The following RERE variants were observed in gnomAD, a reference collection of about 807,000 sequenced individuals.
RERE encodes arginine-glutamic acid dipeptide repeats protein.
In RERE, 40 loss-of-function variants were observed where a neutral mutation model predicts 146.1. The observed-to-expected ratio is 0.27, with a 90% CI of 0.21 to 0.36. The LOEUF (loss-of-function observed/expected upper bound fraction) is 0.36, where lower values mean the gene tolerates loss of function less well. Ranked by LOEUF, RERE falls within the 10% of genes least tolerant of loss-of-function variation. RERE has a pLI of 1.00. For synonymous variants in RERE, 1,003 were observed against 866.0 expected (o/e 1.16, Z -2.78); for missense variants, 1,933 against 2,138.7 (o/e 0.90, Z 1.90).
chr1:8,774,951 C>CTTTTTTTTTTTTTTTTTT (rs869173167), intron 1 of RERE, among the ~76,000 whole-genome samples: 3 of 47,972 alleles, frequency 6.3e-5, no homozygotes, highest in Non-Finnish European at 8.2e-5. Flanking sequence ...TTCTTTCTTT[C>CTTTTTTTTTTTTTTTTTT]TTTTTTTTTT....
chr1:8,377,255 A>C (rs1404279820), intron 12 of RERE, among the ~76,000 whole-genome samples: 3 of 152,190 alleles, frequency 2.0e-5, no homozygotes, highest in Non-Finnish European at 4.4e-5. Context: ...CTTACATGGA[A>C]CCCACACACA....
At chr1:8,439,623 G>A (rs1054911874) in intron 11 of RERE, among the ~76,000 whole-genome samples, 2 of 152,248 alleles carry the variant, frequency 1.3e-5, no homozygotes, top group African/African-American at 2.4e-5. Flanking sequence ...GAAAGGAGGA[G>A]CAAGAAAGGT....
intron 2 of RERE, among the ~76,000 whole-genome samples, chr1:8,627,292 A>G (rs1174197138): frequency 1.3e-5 from 2 of 152,104 alleles, no homozygotes; most frequent in Non-Finnish European, 2.9e-5. Context: ...ACTCAATTCT[A>G]CCTTCCCCGT....
At chr1:8,422,016 C>T (rs868137109) in intron 12 of RERE, among the ~76,000 whole-genome samples, 1 of 152,176 alleles carries the variant, frequency 6.6e-6, no homozygotes, top group South Asian at 2.1e-4. Flanking sequence ...GGGAGGCAAC[C>T]ACAGGGAAAT....
chr1:8,513,715 GGTT>G (rs1285666291), intron 7 of RERE, among the ~76,000 whole-genome samples: 1 of 152,228 alleles, frequency 6.6e-6, no homozygotes, highest in East Asian at 1.9e-4. Context: ...GGGAGGCAGA[GGTT>G]GCAGTGAGCC....
chr1:8,362,685 T>G lies in RERE; in HGVS notation c.1900A>C (p.Lys634Gln). The G allele has an allele frequency of 6.2e-7, 1 of 1,614,224 alleles. No homozygotes were observed. Among genetic ancestry groups the G allele is most frequent in the Non-Finnish European group, 8.5e-7 (1 of 1,180,030 alleles). ...CTACTATCCCCCCAGCACCTGACCT[T>G]GGCCGACTTCTTCACTGTCTCTGCT... ...SKAETVKKSA[K>Q]KVKEEASSPL... The change falls in exon 16 of 23, where the codon AAG becomes CAG. Residue 634 changes from lysine to glutamine, a missense_variant and splice_region_variant. Lys to Gln is a moderately conservative substitution (Grantham distance 53). This residue lies in a region of RERE where 1,255 missense variants were observed against 1,153.8 expected (regional missense o/e 1.09). Coordinates refer to ENST00000400908, the MANE Select transcript of RERE (RefSeq NM_001042681.2).
intron 8 of RERE, among the ~76,000 whole-genome samples, chr1:8,507,737 C>CTTATTTTTTTT (rs1645274660): frequency 1.2e-5 from 1 of 85,958 alleles, no homozygotes; most frequent in Non-Finnish European, 2.0e-5. Context: ...CATCTTTTAT[C>CTTATTTTTTTT]TTTTTTTTTT....
intron 1 of RERE, among the ~76,000 whole-genome samples, chr1:8,775,994 G>T (rs1207997713): frequency 6.6e-6 from 1 of 152,128 alleles, no homozygotes; most frequent in East Asian, 1.9e-4. Context: ...ATGCCACACT[G>T]CCTCTCAAAC....
At chr1:8,642,161 G>C (rs1182478826) in intron 2 of RERE, among the ~76,000 whole-genome samples, 1 of 152,184 alleles carries the variant, frequency 6.6e-6, no homozygotes, top group Admixed American at 6.5e-5. Flanking sequence ...ATCTAAAACA[G>C]TAACACTTAA....
At chr1:8,791,899 A>G (rs1569807174) in intron 1 of RERE, among the ~76,000 whole-genome samples, 1 of 152,228 alleles carries the variant, frequency 6.6e-6, no homozygotes, top group Non-Finnish European at 1.5e-5. Context: ...ATCATCTCCC[A>G]GAATTTATCA....
At chr1:8,655,794 G>C (rs925384787) in intron 2 of RERE, among the ~76,000 whole-genome samples, 179 bp downstream of exon 2, 2 of 152,144 alleles carry the variant, frequency 1.3e-5, no homozygotes, top group African/African-American at 4.8e-5. Context: ...GCAGACACAA[G>C]CAAGAAGTGG....
Position 8,750,537 on chromosome 1 carries a change from C to T in RERE, c.-145+66623G>A, listed in dbSNP as rs143894355. On this transcript the variant is annotated intron_variant, in intron 1 of 22. Transcript: ENST00000400908. ...AAGATCAAGCTCCTGAGAAAGAAGT[C>T]TGCCCAAAACATGCTTTGAAAGGCA... 5.3e-3 allele frequency: 5,414 copies of T among 1,020,306 alleles called. 102 individuals are homozygous for T. Among genetic ancestry groups the T allele is most frequent in the Admixed American group, 0.046 (2,700 of 59,152 alleles). The allele number at this position is 1,020,306 out of a possible 1,614,324, so 63.2% of individuals were successfully genotyped here. A position where few individuals can be genotyped will look rare whatever the true frequency, so the allele number is the denominator to read the frequency against.
intron 11 of RERE, among the ~76,000 whole-genome samples, chr1:8,435,020 T>G (rs940447713): frequency 6.6e-6 from 1 of 152,270 alleles, no homozygotes; most frequent in South Asian, 2.1e-4. Flanking sequence ...TGCTTTACAT[T>G]GGGCTAATTT....
chr1:8,442,661 G>A (rs1264385663), intron 11 of RERE, among the ~76,000 whole-genome samples: 1 of 152,136 alleles, frequency 6.6e-6, no homozygotes, highest in African/African-American at 2.4e-5. Context: ...GCCAGGAGTA[G>A]GGTACTGCTA....
intron 1 of RERE, among the ~76,000 whole-genome samples, chr1:8,675,291 T>G (rs1638809036): frequency 6.6e-6 from 1 of 152,132 alleles, no homozygotes; most frequent in South Asian, 2.1e-4. Context: ...ACTTTCGATA[T>G]AGTTTTAAAT....
intron 4 of RERE, among the ~76,000 whole-genome samples, chr1:8,610,927 G>A (rs564681091): frequency 9.1e-4 from 138 of 151,714 alleles, no homozygotes; most frequent in Non-Finnish European, 1.3e-3. Flanking sequence ...GGGCACGGTG[G>A]CTCACATGTG....
chr1:8,811,992 A>G (rs1641821647), intron 1 of RERE, among the ~76,000 whole-genome samples: 1 of 152,194 alleles, frequency 6.6e-6, no homozygotes, highest in African/African-American at 2.4e-5. Flanking sequence ...GTATTCCAGT[A>G]TGTATGAGGC....
chr1:8,765,658 A>G (rs1271004333), intron 1 of RERE, among the ~76,000 whole-genome samples: 1 of 152,152 alleles, frequency 6.6e-6, no homozygotes, highest in Non-Finnish European at 1.5e-5. Context: ...ATCTCTACTA[A>G]AAATACAAAA....
At chr1:8,432,657 A>G (rs1033360608) in intron 11 of RERE, among the ~76,000 whole-genome samples, 1 of 152,186 alleles carries the variant, frequency 6.6e-6, no homozygotes, top group African/African-American at 2.4e-5. Flanking sequence ...TGAGTATTTC[A>G]TGTCTTGTGT....
Sources: gnomAD v4.1 joint callset for allele counts (sites outside exome capture counted in the v4.1 genomes callset) on GRCh38, gnomAD v4.1.1 for gene constraint, gnomAD v4.1.1 regional missense constraint, MANE v1.5 for transcripts, NCBI Gene and HGNC (gene_info 2026-07-23, HGNC 2026-07-21) for gene names.